Variants in TRHDE observed in about 807,000 individuals in gnomAD.
TRHDE encodes the protein thyrotropin releasing hormone degrading enzyme.
Under a neutral mutation model 125.7 loss-of-function variants are expected in TRHDE, and 72 were observed. That is an observed-to-expected ratio of 0.57 (90% CI 0.47 to 0.70). The LOEUF (loss-of-function observed/expected upper bound fraction) is 0.70, where lower values mean the gene tolerates loss of function less well. Ranked by LOEUF, TRHDE falls within the 30% of genes least tolerant of loss-of-function variation. TRHDE has a pLI of 0.00. For missense variants in TRHDE, 1,110 were observed against 1,327.1 expected, an observed-to-expected ratio of 0.84 and a Z score of 2.54; for synonymous variants, 509 against 509.1, an observed-to-expected ratio of 1.00 and a Z score of 0.00.
chr12:72,453,626 A>G (rs1875689546), intron 3 of TRHDE, among the ~76,000 whole-genome samples: 1 of 152,196 alleles, frequency 6.6e-6, no homozygotes, highest in Non-Finnish European at 1.5e-5. Context: ...GAAAACAATG[A>G]GGAAAAGGCC....
chr12:72,573,888 T>C (rs941565215), intron 10 of TRHDE, among the ~76,000 whole-genome samples: 1 of 152,038 alleles, frequency 6.6e-6, no homozygotes, highest in Non-Finnish European at 1.5e-5. Flanking sequence ...CTTATTTCTT[T>C]ATCTGTTCTA....
chr12:72,273,221 T>C lies in TRHDE; in HGVS notation c.578T>C (p.Leu193Pro). 6.2e-7 allele frequency: 1 copy of C among 1,611,232 alleles called. No homozygotes were observed. The highest frequency in any genetic ancestry group is 8.5e-7 in the Non-Finnish European group (1 of 1,177,904). ...CGCCTGTCGGGCCACCTGAAGCCGC[T>C]GCACTACAATCTGATGCTCACCGCC... ...QLRLSGHLKPLHYNLMLTAFM... is the reference protein window; with the variant it reads ...QLRLSGHLKPPHYNLMLTAFM... The change falls in exon 1 of 19, where the codon CTG becomes CCG. Residue 193 changes from leucine (L) to proline (P), a missense_variant. Physicochemically the swap from Leu to Pro is moderately conservative, Grantham distance 98. Coordinates refer to ENST00000261180, the MANE Select transcript of TRHDE (RefSeq NM_013381.3). The surrounding 1 kb of genome is among the most constrained non-coding windows in gnomAD (Gnocchi z 5.3).
intron 1 of TRHDE, among the ~76,000 whole-genome samples, chr12:72,279,352 CA>C (rs35067892): frequency 0.88 from 133,201 of 152,148 alleles, 58,365 homozygotes; most frequent in East Asian, 0.94. Flanking sequence ...CCTTCACCCC[CA>C]ATGCTCATCC....
At chr12:72,602,956 A>G (rs371323074) in intron 12 of TRHDE, among the ~76,000 whole-genome samples, 112 of 152,334 alleles carry the variant, frequency 7.4e-4, no homozygotes, top group Middle Eastern at 6.8e-3. Flanking sequence ...TGAAATCCTT[A>G]GAATGGTAGA....
At chr12:72,443,444 G>A (rs207473056) in intron 3 of TRHDE, among the ~76,000 whole-genome samples, 2 of 151,750 alleles carry the variant, frequency 1.3e-5, no homozygotes, top group South Asian at 2.1e-4. Flanking sequence ...TCATGACCTT[G>A]TTGAGACCTA....
intron 1 of TRHDE, among the ~76,000 whole-genome samples, chr12:72,089,620 T>C (rs974365185): frequency 2.0e-5 from 3 of 152,188 alleles, no homozygotes; most frequent in Admixed American, 6.5e-5. Context: ...TCATACCTTC[T>C]TAATGAAGCC....
intron 2 of TRHDE, among the ~76,000 whole-genome samples, chr12:72,335,319 C>A (rs1869782678): frequency 6.6e-6 from 1 of 152,144 alleles, no homozygotes; most frequent in Non-Finnish European, 1.5e-5. Context: ...TTTAGGAAGA[C>A]CATTCCTTGA....
chr12:72,643,656 G>T (rs1017404301), intron 15 of TRHDE, among the ~76,000 whole-genome samples: 1 of 152,082 alleles, frequency 6.6e-6, no homozygotes, highest in East Asian at 1.9e-4. Flanking sequence ...TGTCCTTTCA[G>T]AATCTCTTCT....
At chr12:72,352,737 C>T (rs185406945) in intron 2 of TRHDE, among the ~76,000 whole-genome samples, 11 of 151,640 alleles carry the variant, frequency 7.3e-5, no homozygotes, top group South Asian at 2.1e-4. Flanking sequence ...TCTATTATGA[C>T]GTTTTTGAGG....
At chr12:72,313,632 C>A (rs1256939567) in intron 2 of TRHDE, among the ~76,000 whole-genome samples, 1 of 152,164 alleles carries the variant, frequency 6.6e-6, no homozygotes, top group East Asian at 1.9e-4. Context: ...AGTGTAGAAG[C>A]TTTTAGAATA....
intron 2 of TRHDE, among the ~76,000 whole-genome samples, chr12:72,340,334 T>C (rs1870026110): frequency 6.6e-6 from 1 of 152,206 alleles, no homozygotes; most frequent in South Asian, 2.1e-4. Flanking sequence ...GAACTCTGCA[T>C]AAAGTGAATG....
chr12:72,287,801 G>A (rs1017678565), intron 2 of TRHDE, among the ~76,000 whole-genome samples: 8 of 151,894 alleles, frequency 5.3e-5, no homozygotes, highest in Non-Finnish European at 1.2e-4. Flanking sequence ...GGTATTCTAG[G>A]CACTTTTTAC....
At chr12:72,247,615 G>A (rs1348473453) in intron 2 of TRHDE, among the ~76,000 whole-genome samples, 1 of 152,136 alleles carries the variant, frequency 6.6e-6, no homozygotes, top group African/African-American at 2.4e-5. Flanking sequence ...GTAGAACATT[G>A]CATAGTGTTT....
At chr12:72,365,013 G>A (rs962043545) in intron 2 of TRHDE, among the ~76,000 whole-genome samples, 2 of 152,070 alleles carry the variant, frequency 1.3e-5, no homozygotes, top group East Asian at 1.9e-4. Flanking sequence ...GGGATTAAAT[G>A]CTACTGTTTT....
chr12:72,605,547 T>G (rs929718582), intron 12 of TRHDE, among the ~76,000 whole-genome samples: 2 of 152,138 alleles, frequency 1.3e-5, no homozygotes, highest in African/African-American at 4.8e-5. Flanking sequence ...AATTGTGTAT[T>G]TGAAGTCCTT....
In TRHDE at chr12:72,273,282, C is replaced by A. The variant is rs998791949; in HGVS notation, c.639C>A (p.Asn213Lys). 1 of 1,614,004 alleles carries A rather than the reference C, an allele frequency of 6.2e-7. No individual in the cohort carries two copies. The highest frequency in any genetic ancestry group is 1.1e-5 in the South Asian group (1 of 91,090). ...MENFTFSGEV[N>K]VEIACRNATR... ...ACTTCACCTTCTCCGGGGAGGTCAA[C>A]GTGGAGATCGCGTGCCGGAACGCCA... is the stretch of plus-strand genomic sequence containing the variant. The change falls in exon 1 of 19, where the codon AAC (asparagine) becomes AAA (lysine). Residue 213 changes from asparagine (N) to lysine (K), a missense_variant. Asn to Lys is a moderately conservative substitution (Grantham distance 94). Transcript: ENST00000261180. This position sits in a 1 kb window ranked among gnomAD's most constrained non-coding sequence, Gnocchi z 5.3.
chr12:72,310,225 A>C (rs1366415731), intron 2 of TRHDE, among the ~76,000 whole-genome samples: 3 of 152,224 alleles, frequency 2.0e-5, no homozygotes, highest in African/African-American at 7.2e-5. Flanking sequence ...GGAGACAATA[A>C]TAGTATCCAC....
intron 6 of TRHDE, among the ~76,000 whole-genome samples, chr12:72,512,605 ATAAT>A (rs991026364): frequency 7.0e-6 from 1 of 141,998 alleles, no homozygotes. Context: ...AATCATATAT[ATAAT>A]TATATATAAT....
At chr12:72,396,403 A>G (rs1431936232) in intron 3 of TRHDE, among the ~76,000 whole-genome samples, 1 of 152,008 alleles carries the variant, frequency 6.6e-6, no homozygotes, top group African/African-American at 2.4e-5. Context: ...GCCCTATTTT[A>G]CTTGGCCCCT....
Sources: gnomAD v4.1 joint callset for allele counts (sites outside exome capture counted in the v4.1 genomes callset) on GRCh38, gnomAD v4.1.1 for gene constraint, Gnocchi (gnomAD v3.1) non-coding constraint, MANE v1.5 for transcripts, NCBI Gene and HGNC (gene_info 2026-07-23, HGNC 2026-07-21) for gene names.